Variants in LRRTM3 observed in about 807,000 individuals in gnomAD.
LRRTM3 encodes the protein leucine rich repeat transmembrane neuronal 3.
LRRTM3 carries 24 observed loss-of-function variants against 44.7 expected under a neutral mutation model. That is an observed-to-expected ratio of 0.54 (90% CI 0.39 to 0.76). The LOEUF is 0.76. LRRTM3 is among the 30% of genes least tolerant of loss of function. The pLI is 0.00. For missense variants in LRRTM3, 587 were observed against 702.2 expected, an observed-to-expected ratio of 0.84 and a Z score of 1.85; for synonymous variants, 277 against 278.7, an observed-to-expected ratio of 0.99 and a Z score of 0.06.
In LRRTM3 at chr10:67,101,223, C is replaced by T. The variant is rs1858319365; in HGVS notation, c.*3427C>T. Among the ~76,000 whole-genome samples the T allele has an allele frequency of 6.6e-6, 1 of 151,554 alleles. No individual in the cohort carries two copies. The highest frequency in any genetic ancestry group is 2.4e-5 in the African/African-American group (1 of 41,360). ...AATCAAGGAAGCACAAGGAAAGAAACCCCAAGGAAAAAACCAAAGACCTTC... is the reference window on the plus strand; with the variant it reads ...AATCAAGGAAGCACAAGGAAAGAAATCCCAAGGAAAAAACCAAAGACCTTC... On this transcript the variant is annotated 3_prime_UTR_variant, in exon 3 of 3. Transcript: ENST00000361320.
intron 2 of LRRTM3, among the ~76,000 whole-genome samples, chr10:66,993,486 G>A (rs1000207266): frequency 2.0e-4 from 30 of 152,040 alleles, no homozygotes; most frequent in South Asian, 8.3e-4. Context: ...ATTGCATTCT[G>A]GCAGGACAAG....
At position 66,957,417 on chromosome 10, in the gene LRRTM3, TATATATATATGCATATATATATATGC is replaced by T. The variant is rs1564793959; in HGVS notation, c.1536+28976_1536+29001del. 4.4e-3 allele frequency among the ~76,000 whole-genome samples: 140 copies of T among 31,890 alleles called. 2 individuals carry two copies. The highest frequency in any genetic ancestry group is 4.9e-3 in the Non-Finnish European group (87 of 17,746). 20.9% of individuals were successfully genotyped at this position (31,890 alleles called of 152,430 possible). ...ACATATATATATATATATATATGCA[TATATATATATGCATATATATATATGC>T]ATATATATATATGCATATATATATA... is the stretch of plus-strand genomic sequence containing the variant. On this transcript the variant is annotated intron_variant, in intron 2 of 2. Transcript: ENST00000361320.
intron 2 of LRRTM3, among the ~76,000 whole-genome samples, chr10:66,980,538 C>G (rs942778): frequency 1.5e-5 from 2 of 137,876 alleles, no homozygotes; most frequent in African/African-American, 2.8e-5. Context: ...CAGAATTGAA[C>G]AGGAACCAAA....
At chr10:66,953,148 C>T (rs1183397110) in intron 2 of LRRTM3, among the ~76,000 whole-genome samples, 1 of 152,080 alleles carries the variant, frequency 6.6e-6, no homozygotes, top group African/African-American at 2.4e-5. Context: ...TAAACCTGAC[C>T]CAGTTGAGCC....
rs563090814 is a variant in LRRTM3, at chr10:67,011,157, G to A, written c.1536+82705G>A. 8.5e-4 allele frequency among the ~76,000 whole-genome samples: 129 copies of A among 151,960 alleles called. 1 individual carries two copies. The highest frequency in any genetic ancestry group is 2.9e-3 in the African/African-American group (121 of 41,480). On this transcript the variant is annotated intron_variant, in intron 2 of 2. Coordinates refer to ENST00000361320, the MANE Select transcript of LRRTM3 (RefSeq NM_178011.5). The stretch of plus-strand genomic sequence containing the variant: ...ATCCTGGCTAACACGGTGAAACCCC[G>A]TCTCTACTAAAAATACAAAAAATAA...
At chr10:67,089,927 T>C (rs1011813550) in intron 2 of LRRTM3, among the ~76,000 whole-genome samples, 2 of 152,038 alleles carry the variant, frequency 1.3e-5, no homozygotes, top group Non-Finnish European at 2.9e-5. Context: ...CTGCAGCACC[T>C]GCCTAGCTAT....
intron 2 of LRRTM3, among the ~76,000 whole-genome samples, chr10:67,032,711 T>C (rs1357111535): frequency 6.6e-6 from 1 of 152,210 alleles, no homozygotes; most frequent in Non-Finnish European, 1.5e-5. Flanking sequence ...CTTCATTATA[T>C]AATATCCTGT....
chr10:67,030,833 G>T (rs182497466), intron 2 of LRRTM3, among the ~76,000 whole-genome samples: 13 of 152,090 alleles, frequency 8.5e-5, no homozygotes, highest in Admixed American at 7.2e-4. Flanking sequence ...GTGAAACCCC[G>T]TCTCTACTAA....
At chr10:67,083,633 A>G (rs868602766) in intron 2 of LRRTM3, among the ~76,000 whole-genome samples, 2 of 152,196 alleles carry the variant, frequency 1.3e-5, no homozygotes, top group Middle Eastern at 3.2e-3. Context: ...CAGTTTCACA[A>G]TAAGAACTTG....
At chr10:67,042,970 G>A (rs1854500528) in intron 2 of LRRTM3, among the ~76,000 whole-genome samples, 1 of 152,038 alleles carries the variant, frequency 6.6e-6, no homozygotes, top group Non-Finnish European at 1.5e-5. Flanking sequence ...TGAGCAGCTA[G>A]GTCTCCATAC....
In LRRTM3 at chr10:67,101,434, T is replaced by C. The variant is rs1858334042; in HGVS notation, c.*3638T>C. Reference sequence around the variant, plus strand: ...ATGAAATTTTTTTTACTTGTAATAATAGAGAACAATTTTCTCCATTTTCTT... The same window carrying C: ...ATGAAATTTTTTTTACTTGTAATAACAGAGAACAATTTTCTCCATTTTCTT... On this transcript the variant is annotated 3_prime_UTR_variant, in exon 3 of 3. Coordinates refer to ENST00000361320, the MANE Select transcript of LRRTM3 (RefSeq NM_178011.5). Among the ~76,000 whole-genome samples, 1 of 136,916 alleles carries C rather than the reference T, an allele frequency of 7.3e-6. No individual in the cohort carries two copies. Among genetic ancestry groups the C allele is most frequent in the African/African-American group, 3.0e-5 (1 of 33,346 alleles). The allele number at this position is 136,916 out of a possible 152,430, so 89.8% of individuals were successfully genotyped here. A position where few individuals can be genotyped will look rare whatever the true frequency, so the allele number is the denominator to read the frequency against.
rs546169131 is a variant in LRRTM3, at chr10:67,033,778, T to C, written c.1537-63809T>C. 2.6e-5 allele frequency among the ~76,000 whole-genome samples: 4 copies of C among 152,212 alleles called. No homozygotes were observed. The South Asian group carries it at 6.2e-4, about 24-fold the overall frequency. On this transcript the variant is annotated intron_variant, in intron 2 of 2. Transcript: ENST00000361320. ...TAACTTTTACTGTATAGTGTTTCTT[T>C]TTGTTTTTTTTGGACGAAGTCTCAC...
intron 2 of LRRTM3, among the ~76,000 whole-genome samples, chr10:67,016,838 G>C (rs1852690404): frequency 1.3e-5 from 2 of 152,094 alleles, no homozygotes; most frequent in African/African-American, 2.4e-5. Flanking sequence ...AGTAGACTTT[G>C]AGAAAGTAAG....
chr10:67,025,698 A>G (rs538836422), intron 2 of LRRTM3, among the ~76,000 whole-genome samples: 1 of 152,302 alleles, frequency 6.6e-6, no homozygotes, highest in Admixed American at 6.5e-5. Context: ...AACAACAACA[A>G]GTATTGTTCT....
intron 2 of LRRTM3, among the ~76,000 whole-genome samples, chr10:67,014,765 T>C (rs772649969): frequency 6.6e-6 from 1 of 151,966 alleles, no homozygotes; most frequent in African/African-American, 2.4e-5. Context: ...CCAAATTCCA[T>C]TTATCAGAAA....
At chr10:66,936,810 G>A (rs545953687) in intron 2 of LRRTM3, among the ~76,000 whole-genome samples, 9 of 152,210 alleles carry the variant, frequency 5.9e-5, no homozygotes, top group African/African-American at 2.2e-4. Context: ...TCAAATATCT[G>A]CTCCCAGAGT....
chr10:67,026,268 G>C (rs1037027923), intron 2 of LRRTM3, among the ~76,000 whole-genome samples: 1 of 150,094 alleles, frequency 6.7e-6, no homozygotes, highest in African/African-American at 2.5e-5. Context: ...TAATAATTAA[G>C]AAAAAAAAGA....
Position 66,996,141 on chromosome 10 carries a change from A to C in LRRTM3, c.1536+67689A>C, listed in dbSNP as rs79954276. Among the ~76,000 whole-genome samples, 46 of 152,306 alleles carry C rather than the reference A, an allele frequency of 3.0e-4. No homozygotes were observed. The East Asian group carries it at 8.3e-3, about 28-fold the overall frequency. On this transcript the variant is annotated intron_variant, in intron 2 of 2. Transcript: ENST00000361320. ...TACTCTCTATTGCCTAAGCTACTTC[A>C]TTGCACAAGTAGGTCTCAAAGCTCT...
At chr10:67,033,939 T>C (rs762381562) in intron 2 of LRRTM3, among the ~76,000 whole-genome samples, 1 of 152,042 alleles carries the variant, frequency 6.6e-6, no homozygotes, top group Non-Finnish European at 1.5e-5. Context: ...ACCTAGCTAA[T>C]TTTTGTATTT....
Sources: gnomAD v4.1 joint callset for allele counts (sites outside exome capture counted in the v4.1 genomes callset) on GRCh38, gnomAD v4.1.1 for gene constraint, MANE v1.5 for transcripts, NCBI Gene and HGNC (gene_info 2026-07-23, HGNC 2026-07-21) for gene names.